The following GAREM1 variants were observed in gnomAD, a reference collection of about 807,000 sequenced individuals.
GAREM1 encodes the protein GRB2-associated and regulator of MAPK protein 1.
Under a neutral mutation model 71.3 loss-of-function variants are expected in GAREM1, and 26 were observed. The ratio of observed to expected loss-of-function variants is 0.36; its 90% CI spans 0.27 to 0.51. The LOEUF is 0.51. GAREM1 is among the 20% of genes least tolerant of loss of function. The pLI, the probability that GAREM1 is intolerant of heterozygous loss-of-function variation, is 0.95. For synonymous variants in GAREM1, 440 were observed against 433.2 expected (o/e 1.02, Z -0.20); for missense variants, 1,026 against 1,103.1 (o/e 0.93, Z 0.99).
intron 2 of GAREM1, among the ~76,000 whole-genome samples, chr18:32,365,154 T>TC (rs1411535663): frequency 1.3e-5 from 2 of 152,174 alleles, no homozygotes; most frequent in Non-Finnish European, 2.9e-5. Flanking sequence ...TTGTCTTTAC[T>TC]CCTAGGCTTC....
intron 1 of GAREM1, among the ~76,000 whole-genome samples, chr18:32,467,711 A>T (rs1225541823): frequency 6.6e-6 from 1 of 152,090 alleles, no homozygotes; most frequent in African/African-American, 2.4e-5. Flanking sequence ...ATTTTGTTCT[A>T]GTCTCTTTAA....
intron 1 of GAREM1, among the ~76,000 whole-genome samples, chr18:32,394,920 G>C (rs1215938652): frequency 6.6e-6 from 1 of 152,186 alleles, no homozygotes; most frequent in Non-Finnish European, 1.5e-5. Flanking sequence ...TGCACAGAGT[G>C]GATGTGGAGA....
In GAREM1 at chr18:32,267,571, C is replaced by G. The variant is rs562695967; in HGVS notation, c.*300G>C. On this transcript the variant is annotated 3_prime_UTR_variant, in exon 6 of 6. Transcript: ENST00000269209. ...TTTTGTAATAAATATCATACCTTCTCACATAAACCTACTTGGGTAAGAATG... is the reference window on the plus strand; with the variant it reads ...TTTTGTAATAAATATCATACCTTCTGACATAAACCTACTTGGGTAAGAATG... 4.4e-6 allele frequency: 1 copy of G among 225,186 alleles called. No individual in the cohort carries two copies. Among genetic ancestry groups the G allele is most frequent in the African/African-American group, 2.3e-5 (1 of 43,760 alleles). The allele number at this position is 225,186 out of a possible 1,614,324, so 13.9% of individuals were successfully genotyped here. A position where few individuals can be genotyped will look rare whatever the true frequency, so the allele number is the denominator to read the frequency against.
chr18:32,341,048 A>G (rs1430894245), intron 2 of GAREM1, among the ~76,000 whole-genome samples: 1 of 152,160 alleles, frequency 6.6e-6, no homozygotes, highest in Non-Finnish European at 1.5e-5. Context: ...TTACATATGT[A>G]TACATGTGCC....
At chr18:32,370,300 C>T (rs560658466) in intron 2 of GAREM1, among the ~76,000 whole-genome samples, 6 of 151,828 alleles carry the variant, frequency 4.0e-5, no homozygotes, top group African/African-American at 1.4e-4. Context: ...TGGTGGCGCA[C>T]ACCTGTAGTC....
At chr18:32,407,905 A>G (rs1254162807) in intron 1 of GAREM1, among the ~76,000 whole-genome samples, 1 of 152,130 alleles carries the variant, frequency 6.6e-6, no homozygotes, top group African/African-American at 2.4e-5. Context: ...AAATTTAAAT[A>G]TTGCAATGCC....
intron 2 of GAREM1, among the ~76,000 whole-genome samples, chr18:32,323,597 T>C (rs943613717): frequency 4.6e-5 from 7 of 152,098 alleles, no homozygotes; most frequent in Non-Finnish European, 1.0e-4. Context: ...TAATCCCAGA[T>C]ACTTGAGAGG....
chr18:32,453,802 A>G (rs1225064913), intron 1 of GAREM1, among the ~76,000 whole-genome samples: 1 of 152,154 alleles, frequency 6.6e-6, no homozygotes, highest in African/African-American at 2.4e-5. Flanking sequence ...ATGTGTGCAC[A>G]TGCCTGTGTG....
chr18:32,286,971 GGATGACTGA>G, intron 4 of GAREM1, 51 bp downstream of exon 4: 2 of 1,229,332 alleles, frequency 1.6e-6, no homozygotes, highest in South Asian at 1.4e-5. Flanking sequence ...ATAAATTAGT[GGATGACTGA>G]GCAGAGAGAC....
At chr18:32,293,160 C>G (rs904433858) in intron 3 of GAREM1, among the ~76,000 whole-genome samples, 6 of 151,364 alleles carry the variant, frequency 4.0e-5, no homozygotes, top group Non-Finnish European at 5.9e-5. Flanking sequence ...CACACACACA[C>G]AGACACACAC....
At chr18:32,392,268 T>A (rs145213645) in intron 2 of GAREM1, among the ~76,000 whole-genome samples, 1 of 152,118 alleles carries the variant, frequency 6.6e-6, no homozygotes, top group East Asian at 1.9e-4. Context: ...ACTAGATGTA[T>A]CCCAACCTCC....
intron 1 of GAREM1, among the ~76,000 whole-genome samples, chr18:32,393,632 A>G (rs1380468880): frequency 6.6e-6 from 1 of 152,202 alleles, no homozygotes; most frequent in East Asian, 1.9e-4. Flanking sequence ...AGTTCCTTTT[A>G]AATTTTATGT....
chr18:32,318,017 T>G (rs1321892052), intron 2 of GAREM1, among the ~76,000 whole-genome samples: 6 of 152,212 alleles, frequency 3.9e-5, no homozygotes, highest in African/African-American at 1.4e-4. Context: ...GAGATGTTAC[T>G]GTCAAACTCT....
chr18:32,420,730 G>GT (rs1374758904), intron 1 of GAREM1, among the ~76,000 whole-genome samples: 1 of 147,470 alleles, frequency 6.8e-6, no homozygotes, highest in African/African-American at 2.5e-5. Context: ...GGGCAACACA[G>GT]TGAGACCCCC....
At chr18:32,380,384 G>A (rs1001979072) in intron 2 of GAREM1, among the ~76,000 whole-genome samples, 2 of 149,746 alleles carry the variant, frequency 1.3e-5, no homozygotes, top group African/African-American at 2.5e-5. Context: ...GCTGAGGTGG[G>A]ATAATTGCTT....
intron 2 of GAREM1, among the ~76,000 whole-genome samples, chr18:32,383,150 A>G (rs17743799): frequency 0.036 from 5,415 of 152,306 alleles, 146 homozygotes; most frequent in East Asian, 0.11. Context: ...GGTGTTCTGT[A>G]AACCAGTTCT....
rs2049043461 is a variant in GAREM1, at chr18:32,470,502, T to G, written c.-74A>C. ...CCACCCGCGCCTCGGCGGCCGCCGC[T>G]GCTCGCGCTCGCGGTCTGGGGCGCG... On this transcript the variant is annotated 5_prime_UTR_variant, in exon 1 of 6. Transcript: ENST00000269209. The surrounding 1 kb of genome is among the most constrained non-coding windows in gnomAD (Gnocchi z 4.4). 1.8e-6 allele frequency: 2 copies of G among 1,097,892 alleles called. No homozygotes were observed. Among genetic ancestry groups the G allele is most frequent in the Non-Finnish European group, 1.1e-6 (1 of 892,934 alleles). 68.0% of individuals were successfully genotyped at this position (1,097,892 alleles called of 1,614,324 possible). A position where few individuals can be genotyped will look rare whatever the true frequency, so the allele number is the denominator to read the frequency against.
intron 2 of GAREM1, among the ~76,000 whole-genome samples, chr18:32,336,462 A>G (rs1228826622): frequency 2.0e-5 from 3 of 152,012 alleles, no homozygotes; most frequent in Admixed American, 1.3e-4. Context: ...CATACAGTAT[A>G]TATGAAAGCA....
chr18:32,461,499 C>G (rs988970817), intron 1 of GAREM1, among the ~76,000 whole-genome samples: 3 of 151,886 alleles, frequency 2.0e-5, no homozygotes, highest in East Asian at 3.9e-4. Flanking sequence ...AGTTCAAGAC[C>G]AGTCTGGGCA....
Sources: allele counts gnomAD v4.1 joint callset (sites outside exome capture counted in the v4.1 genomes callset), GRCh38; gene constraint gnomAD v4.1.1; non-coding constraint Gnocchi (gnomAD v3.1); transcripts MANE v1.5; gene names NCBI Gene and HGNC (gene_info 2026-07-23, HGNC 2026-07-21).